Variants in DUSP13B observed in about 807,000 individuals in gnomAD.
DUSP13B encodes the protein dual specificity phosphatase 13B.
At chr10:75,101,916 T>A in the DUSP13B span, 1 of 1,367,728 alleles carries the variant, frequency 7.3e-7, no homozygotes, top group Admixed American at 1.9e-5. Flanking sequence ...GGGCAGTTCG[T>A]GCTGCTGGCT....
At chr10:75,098,518 T>G in the DUSP13B span, among the ~76,000 whole-genome samples, 3 of 152,134 alleles carry the variant, frequency 2.0e-5, no homozygotes, top group African/African-American at 7.2e-5. Context: ...TCCCAGCACT[T>G]TGGGAGGCTG....
At chr10:75,103,890 C>T in the DUSP13B span, 50 of 1,304,322 alleles carry the variant, frequency 3.8e-5, no homozygotes, top group Middle Eastern at 6.9e-4. Context: ...GAGCCCACTC[C>T]CACCTGTGGA....
the DUSP13B span, chr10:75,095,645 G>A: frequency 1.4e-5 from 22 of 1,614,222 alleles, no homozygotes; most frequent in Non-Finnish European, 1.8e-5. Context: ...GGTCGAAGAA[G>A]GGGTTGTCGT....
chr10:75,107,768 G>T, the DUSP13B span, among the ~76,000 whole-genome samples: 21 of 152,200 alleles, frequency 1.4e-4, no homozygotes, highest in Non-Finnish European at 2.9e-5. Context: ...GTAGAGACGA[G>T]GTTTCACCGT....
chr10:75,094,831 G>A, the DUSP13B span: 1 of 1,614,220 alleles, frequency 6.2e-7, no homozygotes. Context: ...GCCAGGACAA[G>A]TGTGGCAGAG....
chr10:75,099,211 C>A, the DUSP13B span: 1 of 1,232,224 alleles, frequency 8.1e-7, no homozygotes, highest in Non-Finnish European at 1.0e-6. Context: ...CCCTGATCCC[C>A]TGGACCAGTG....
At chr10:75,108,073 G>A in the DUSP13B span, 1 of 1,613,894 alleles carries the variant, frequency 6.2e-7, no homozygotes, top group Non-Finnish European at 8.5e-7. Flanking sequence ...GGGAGGTCGT[G>A]GGCTGGCACC....
chr10:75,096,131 T>G, the DUSP13B span, among the ~76,000 whole-genome samples: 2 of 151,374 alleles, frequency 1.3e-5, no homozygotes, highest in Non-Finnish European at 3.0e-5. Context: ...GGTGGGCACC[T>G]GTAGTCCCAG....
the DUSP13B span, chr10:75,099,289 G>GA: frequency 8.1e-7 from 1 of 1,232,250 alleles, no homozygotes; most frequent in Non-Finnish European, 1.0e-6. Flanking sequence ...ACCAGAAAAA[G>GA]AAACAGGCAC....
At chr10:75,107,775 C>T in the DUSP13B span, among the ~76,000 whole-genome samples, 88 of 152,276 alleles carry the variant, frequency 5.8e-4, no homozygotes, top group South Asian at 1.5e-3. Context: ...CGAGGTTTCA[C>T]CGTGTTGGCC....
At chr10:75,095,922 T>C in the DUSP13B span, 1 of 878,516 alleles carries the variant, frequency 1.1e-6, no homozygotes, top group African/African-American at 1.7e-5. Flanking sequence ...AGCCTGCAAA[T>C]TGGCCCAGGG....
At chr10:75,094,784 C>G in the DUSP13B span, 1 of 1,614,202 alleles carries the variant, frequency 6.2e-7, no homozygotes, top group African/African-American at 1.3e-5. Flanking sequence ...TCTGGATGGC[C>G]TCTACCAGCG....
the DUSP13B span, among the ~76,000 whole-genome samples, chr10:75,098,733 G>A: frequency 1.3e-4 from 20 of 152,316 alleles, no homozygotes; most frequent in Non-Finnish European, 2.6e-4. Context: ...CTGCACTCCA[G>A]CCTGGGCAAC....
At chr10:75,108,935 T>C in the DUSP13B span, 1 of 1,523,882 alleles carries the variant, frequency 6.6e-7, no homozygotes, top group Non-Finnish European at 8.8e-7. Flanking sequence ...TCCACCCTCC[T>C]GTGTCTGGTA....
chr10:75,105,122 A>G, the DUSP13B span, among the ~76,000 whole-genome samples: 1 of 152,126 alleles, frequency 6.6e-6, no homozygotes, highest in Admixed American at 6.5e-5. Context: ...GCCACCGTGG[A>G]GGCCTGGCCT....
At chr10:75,105,791 G>T in the DUSP13B span, 1 of 1,550,998 alleles carries the variant, frequency 6.4e-7, no homozygotes. Flanking sequence ...AGGGACAGCC[G>T]CTGGTGCAGC....
chr10:75,100,289 C>T, the DUSP13B span, among the ~76,000 whole-genome samples: 3 of 152,148 alleles, frequency 2.0e-5, no homozygotes, highest in Admixed American at 1.3e-4. Flanking sequence ...GGGCTCTCCC[C>T]TGGACTTAGC....
At chr10:75,109,050 G>T in the DUSP13B span, 1 of 1,611,690 alleles carries the variant, frequency 6.2e-7, no homozygotes, top group Non-Finnish European at 8.5e-7. Context: ...CGTCCACACG[G>T]CTGCAAGAAG....
At chr10:75,097,639 G>T in the DUSP13B span, 1 of 1,406,886 alleles carries the variant, frequency 7.1e-7, no homozygotes, top group Non-Finnish European at 9.4e-7. Context: ...CTCTGAGAGA[G>T]GCTCATGCCC....
Sources: gnomAD v4.1 joint callset for allele counts (sites outside exome capture counted in the v4.1 genomes callset) on GRCh38, gnomAD v4.1.1 for gene constraint, MANE v1.5 for transcripts, NCBI Gene and HGNC (gene_info 2026-07-23, HGNC 2026-07-21) for gene names.